SLC39A12: variants seen among roughly 807,000 people sequenced by gnomAD.
SLC39A12 encodes zinc transporter ZIP12.
SLC39A12 carries 63 observed loss-of-function variants against 71.1 expected under a neutral mutation model. The ratio of observed to expected loss-of-function variants is 0.89; its 90% CI spans 0.72 to 1.09. SLC39A12 has a LOEUF of 1.09. Ranked by LOEUF, SLC39A12 falls within the 50% of genes least tolerant of loss-of-function variation. SLC39A12 has a pLI of 0.00. For synonymous variants in SLC39A12, 351 were observed against 301.3 expected, an observed-to-expected ratio of 1.16 and a Z score of -1.71; for missense variants, 892 against 812.6, an observed-to-expected ratio of 1.10 and a Z score of -1.19.
At position 17,953,270 on chromosome 10, in the gene SLC39A12, C is replaced by T. The variant is rs770488842; in HGVS notation, c.-7C>T. The T allele has an allele frequency of 2.5e-5, 41 of 1,612,880 alleles. No individual in the cohort carries two copies. Among genetic ancestry groups the T allele is most frequent in the South Asian group, 3.3e-5 (3 of 90,914 alleles). Reference sequence around the variant, plus strand: ...CAAGACAGACTCAAGGTGGAGGAAGCGTGGAAATGTGCTTCCGGACAAAGC... The same window carrying T: ...CAAGACAGACTCAAGGTGGAGGAAGTGTGGAAATGTGCTTCCGGACAAAGC... On this transcript the variant is annotated 5_prime_UTR_variant, in exon 2 of 13. Transcript: ENST00000377369.
Position 17,981,212 on chromosome 10 carries a change from G to A in SLC39A12, c.925-100G>A, listed in dbSNP as rs768260965. 16 of 1,056,946 alleles carry A rather than the reference G, an allele frequency of 1.5e-5. No homozygotes were observed. In the South Asian group the frequency reaches 2.7e-4, roughly 18 times the overall value. The allele number at this position is 1,056,946 out of a possible 1,614,324, so 65.5% of individuals were successfully genotyped here. A position where few individuals can be genotyped will look rare whatever the true frequency, so the allele number is the denominator to read the frequency against. Reference sequence around the variant, plus strand: ...GTACCGGCTTCATGTGTGTGTTCTCGCTATTCCATCTAGAATTCACTCCTC... The same window carrying A: ...GTACCGGCTTCATGTGTGTGTTCTCACTATTCCATCTAGAATTCACTCCTC... On this transcript the variant is annotated intron_variant, in intron 5 of 12. Transcript: ENST00000377369.
chr10:17,961,496 A>G lies in SLC39A12; in HGVS notation c.262-85A>G, dbSNP rs567892006. On this transcript the variant is annotated intron_variant, in intron 2 of 12. Transcript: ENST00000377369. ...CTTTCTGTTTATAAAATGATAAGCA[A>G]TGAAGACCCTGGTGGTCATTAGTGT... 626 of 1,312,258 alleles carry G rather than the reference A, an allele frequency of 4.8e-4. 3 individuals are homozygous for G. The highest frequency in any genetic ancestry group is 6.0e-4 in the Admixed American group (26 of 43,298). 81.3% of individuals were successfully genotyped at this position (1,312,258 alleles called of 1,614,324 possible).
chr10:18,041,059 A>C (rs78596308), intron 12 of SLC39A12, among the ~76,000 whole-genome samples: 2,977 of 152,220 alleles, frequency 0.02, 39 homozygotes, highest in South Asian at 0.045. Context: ...GATTGAGTTA[A>C]ATCTCCAATC....
At chr10:18,031,366 A>T (rs1836843502) in intron 12 of SLC39A12, among the ~76,000 whole-genome samples, 1 of 138,396 alleles carries the variant, frequency 7.2e-6, no homozygotes, top group South Asian at 2.3e-4. Context: ...GGTATCTCAT[A>T]GTGGTTTTGA....
chr10:17,968,249 G>T (rs1834883994), intron 4 of SLC39A12, among the ~76,000 whole-genome samples: 1 of 151,588 alleles, frequency 6.6e-6, no homozygotes, highest in Admixed American at 6.6e-5. Flanking sequence ...TAATTGCGTT[G>T]GTTAATAACC....
chr10:17,983,963 C>T (rs1345912763), intron 6 of SLC39A12, among the ~76,000 whole-genome samples: 1 of 152,174 alleles, frequency 6.6e-6, no homozygotes, highest in African/African-American at 2.4e-5. Flanking sequence ...ATTCAGTATG[C>T]TGAAACTCAA....
chr10:18,019,569 C>T (rs1169547291), intron 12 of SLC39A12, among the ~76,000 whole-genome samples: 1 of 152,014 alleles, frequency 6.6e-6, no homozygotes, highest in Non-Finnish European at 1.5e-5. Flanking sequence ...TTTGAGCACA[C>T]TTTCACTCTT....
intron 12 of SLC39A12, among the ~76,000 whole-genome samples, chr10:18,030,402 C>A (rs1426170066): frequency 1.3e-5 from 2 of 151,558 alleles, no homozygotes; most frequent in East Asian, 3.9e-4. Flanking sequence ...CACACCCAGC[C>A]AATTTTTTGT....
chr10:18,034,928 A>G (rs1033482769), intron 12 of SLC39A12, among the ~76,000 whole-genome samples: 1 of 152,146 alleles, frequency 6.6e-6, no homozygotes, highest in East Asian at 1.9e-4. Context: ...GCTGGATATG[A>G]AATTCTGGAT....
chr10:17,953,153 A>T (rs1554847313), intron 1 of SLC39A12, 38 bp from the exon 2 acceptor site: 1 of 1,215,036 alleles, frequency 8.2e-7, no homozygotes, highest in African/African-American at 1.5e-5. Context: ...TGTTGCAGGC[A>T]CAATAATTGA....
intron 12 of SLC39A12, among the ~76,000 whole-genome samples, chr10:18,038,743 T>C (rs1837135660): frequency 6.6e-6 from 1 of 152,328 alleles, no homozygotes; most frequent in Middle Eastern, 3.4e-3. Flanking sequence ...AATTCTGCTA[T>C]AATTTACAAG....
chr10:17,982,034 C>T (rs1331986339), intron 6 of SLC39A12, among the ~76,000 whole-genome samples: 4 of 152,120 alleles, frequency 2.6e-5, no homozygotes, highest in Non-Finnish European at 5.9e-5. Flanking sequence ...CAGTGATATC[C>T]TATAGGGCTG....
At chr10:18,005,829 C>T (rs1044211081) in intron 12 of SLC39A12, 1 of 151,518 alleles carries the variant, frequency 6.6e-6, no homozygotes, top group Non-Finnish European at 1.5e-5. Context: ...CGAGGAAAAA[C>T]CAGCATCCTG....
intron 4 of SLC39A12, among the ~76,000 whole-genome samples, chr10:17,970,410 A>G (rs1025473055): frequency 6.6e-6 from 1 of 152,024 alleles, no homozygotes; most frequent in African/African-American, 2.4e-5. Context: ...TATTTTTCCA[A>G]TCCATGAATA....
chr10:18,031,961 G>A (rs145710854), intron 12 of SLC39A12, among the ~76,000 whole-genome samples: 6 of 57,864 alleles, frequency 1.0e-4, no homozygotes, highest in Admixed American at 2.0e-4. Flanking sequence ...ATAGTTGTAG[G>A]TATGCGGCAT....
At chr10:18,025,640 A>G (rs1836656782) in intron 12 of SLC39A12, among the ~76,000 whole-genome samples, 1 of 151,834 alleles carries the variant, frequency 6.6e-6, no homozygotes. Flanking sequence ...TCATTGTTGG[A>G]CATTTGGGTT....
chr10:17,978,496 T>C (rs896606811), intron 5 of SLC39A12, among the ~76,000 whole-genome samples: 2 of 152,220 alleles, frequency 1.3e-5, no homozygotes, highest in Non-Finnish European at 1.5e-5. Context: ...TGAAGTTGAC[T>C]CTTTCAGACT....
intron 4 of SLC39A12, among the ~76,000 whole-genome samples, chr10:17,973,950 CT>C (rs199672416): frequency 0.014 from 2,056 of 151,450 alleles, 41 homozygotes; most frequent in African/African-American, 0.043. Context: ...TAGACCCTGT[CT>C]TGCAAGCTTA....
intron 11 of SLC39A12, chr10:18,002,542 C>T (rs1280933435): frequency 6.6e-6 from 1 of 152,042 alleles, no homozygotes; most frequent in African/African-American, 2.4e-5. Context: ...AAACTGGGTC[C>T]CCAAGCTGTC....
Sources: allele counts gnomAD v4.1 joint callset (sites outside exome capture counted in the v4.1 genomes callset), GRCh38; gene constraint gnomAD v4.1.1; transcripts MANE v1.5; gene names NCBI Gene and HGNC (gene_info 2026-07-23, HGNC 2026-07-21).